Variants in MADD observed in about 807,000 individuals in gnomAD.
MADD encodes the protein MAP kinase activating death domain, also known as MAP kinase-activating death domain protein.
A neutral mutation model predicts 176.7 loss-of-function variants in MADD; 109 were observed. That is an observed-to-expected ratio of 0.62 (90% CI 0.53 to 0.72). MADD has a LOEUF of 0.72. Ranked by LOEUF, MADD falls within the 30% of genes least tolerant of loss-of-function variation. The pLI is 0.00. For missense variants in MADD, 1,914 were observed against 2,045.5 expected, an observed-to-expected ratio of 0.94 and a Z score of 1.24; for synonymous variants, 771 against 771.3, an observed-to-expected ratio of 1.00 and a Z score of 0.01.
exon 3 of MADD, chr11:47,274,956 T>A (rs745694903): frequency 6.2e-7 from 1 of 1,614,142 alleles, no homozygotes; most frequent in East Asian, 2.2e-5. Flanking sequence ...CTACCCCTGA[T>A]GTGAACCAGT....
intron 11 of MADD, 24 bp from the exon 12 acceptor site, chr11:47,284,351 C>T: frequency 6.2e-7 from 1 of 1,614,050 alleles, no homozygotes; most frequent in Non-Finnish European, 8.5e-7. Flanking sequence ...GTGGTCTGTA[C>T]CTGCCTCCCT....
intron 10 of MADD, 78 bp from the exon 11 acceptor site, chr11:47,284,100 A>AT (rs932560023): frequency 1.0e-6 from 1 of 974,082 alleles, no homozygotes; most frequent in South Asian, 1.3e-5. Flanking sequence ...TCCCCCTTTT[A>AT]TTTTTCCTGG....
chr11:47,327,139 CA>C, intron 31 of MADD: 1 of 1,064,858 alleles, frequency 9.4e-7, no homozygotes, highest in Non-Finnish European at 1.1e-6. Context: ...TGGCGACCCC[CA>C]AGCTCCACTA....
chr11:47,327,941 C>A, intron 31 of MADD: 2 of 985,324 alleles, frequency 2.0e-6, no homozygotes, highest in Non-Finnish European at 2.4e-6. Flanking sequence ...CTCACTCTTG[C>A]CTTCTGGGCT....
intron 22 of MADD, among the ~76,000 whole-genome samples, chr11:47,301,156 A>C (rs1235084738): frequency 6.6e-6 from 1 of 151,854 alleles, no homozygotes; most frequent in Non-Finnish European, 1.5e-5. Context: ...CTTGTTGCCC[A>C]GGCTGGAGTG....
At chr11:47,278,712 C>T (rs1254790234) in intron 6 of MADD, among the ~76,000 whole-genome samples, 1 of 151,578 alleles carries the variant, frequency 6.6e-6, no homozygotes, top group East Asian at 1.9e-4. Flanking sequence ...TATGTGTGCT[C>T]ATTGTAAAAC....
At chr11:47,286,582 T>G (rs567450952) in intron 15 of MADD, 48 bp downstream of exon 15, 1 of 1,455,490 alleles carries the variant, frequency 6.9e-7, no homozygotes, top group East Asian at 2.3e-5. Context: ...CGGGAGATGT[T>G]TCGGGCTGTG....
In MADD at chr11:47,279,303, A is replaced by G. The variant is rs182101088; in HGVS notation, c.1290+224A>G. 8.5e-4 allele frequency among the ~76,000 whole-genome samples: 128 copies of G among 150,728 alleles called. 1 individual carries two copies. The highest frequency in any genetic ancestry group is 2.3e-3 in the African/African-American group (94 of 41,050). Reference sequence around the variant, plus strand: ...GCTTTACCATCTTCTAATGCTTATGATGCTGTATAAAATAGCCCTTCACTC... The same window carrying G: ...GCTTTACCATCTTCTAATGCTTATGGTGCTGTATAAAATAGCCCTTCACTC... On this transcript the variant is annotated intron_variant, in intron 7 of 32. Coordinates refer to ENST00000402192, the Ensembl canonical transcript of MADD.
chr11:47,321,422 A>C (rs1205378586), intron 27 of MADD, among the ~76,000 whole-genome samples: 3 of 152,168 alleles, frequency 2.0e-5, no homozygotes, highest in African/African-American at 7.2e-5. Context: ...TTACTCACTC[A>C]CCTAATATTT....
chr11:47,324,007 A>G (rs1595493007), intron 28 of MADD, 172 bp downstream of exon 31: 1 of 707,640 alleles, frequency 1.4e-6, no homozygotes, highest in East Asian at 2.7e-5. Context: ...GCCTAATAGT[A>G]GTCACAATCG....
At chr11:47,329,141 C>G (rs374431694) in exon 33 of MADD, 4 of 1,613,840 alleles carry the variant, frequency 2.5e-6, no homozygotes, top group African/African-American at 2.7e-5. Context: ...CCCGGCCTGT[C>G]TCTAGCTGAT....
chr11:47,328,074 G>A, intron 31 of MADD: 1 of 995,898 alleles, frequency 1.0e-6, no homozygotes, highest in Non-Finnish European at 1.2e-6. Context: ...ACACAGGCAG[G>A]TCTGGGCTTC....
chr11:47,307,909 C>A (rs1043015732), intron 22 of MADD, among the ~76,000 whole-genome samples: 1 of 152,154 alleles, frequency 6.6e-6, no homozygotes, highest in Non-Finnish European at 1.5e-5. Context: ...ACGTGGTGAT[C>A]CCAACCACCT....
intron 15 of MADD, among the ~76,000 whole-genome samples, chr11:47,287,578 T>G (rs1332786998): frequency 6.6e-6 from 1 of 151,800 alleles, no homozygotes; most frequent in African/African-American, 2.4e-5. Context: ...CCTGGCTAAT[T>G]GTTGTATTTT....
chr11:47,282,241 G>A (rs548491155), intron 8 of MADD, 140 bp from the exon 9 acceptor site: 2 of 646,080 alleles, frequency 3.1e-6, no homozygotes, highest in East Asian at 5.4e-5. Context: ...ATGAAGAGGG[G>A]GCTGATGATT....
exon 16 of MADD, chr11:47,289,406 T>C (rs1229117633): frequency 6.2e-7 from 1 of 1,614,050 alleles, no homozygotes; most frequent in Non-Finnish European, 8.5e-7. Context: ...AGGAGGGCGT[T>C]AGTGGATCAG....
intron 20 of MADD, among the ~76,000 whole-genome samples, chr11:47,294,990 C>G (rs1397472933): frequency 1.3e-5 from 2 of 150,666 alleles, no homozygotes; most frequent in East Asian, 3.9e-4. Context: ...GCATGTACTT[C>G]TTTAACGCAT....
intron 22 of MADD, among the ~76,000 whole-genome samples, chr11:47,302,231 T>C (rs987438262): frequency 6.6e-6 from 1 of 152,196 alleles, no homozygotes; most frequent in African/African-American, 2.4e-5. Context: ...TTTGTGTGTG[T>C]GAGACAGAGT....
At chr11:47,326,577 GCTT>G (rs1268023658) in intron 30 of MADD, 25 bp downstream of exon 34, 3 of 1,418,424 alleles carry the variant, frequency 2.1e-6, no homozygotes, top group Non-Finnish European at 2.8e-6. Flanking sequence ...TGCTATCTTC[GCTT>G]CTTAGCGCTT....
Sources: allele counts gnomAD v4.1 joint callset (sites outside exome capture counted in the v4.1 genomes callset), GRCh38; gene constraint gnomAD v4.1.1; transcripts MANE v1.5; gene names NCBI Gene and HGNC (gene_info 2026-07-23, HGNC 2026-07-21).